The following ARHGAP25 variants were observed in gnomAD, a reference collection of about 807,000 sequenced individuals.
ARHGAP25 encodes the protein Rho GTPase activating protein 25.
ARHGAP25 carries 34 observed loss-of-function variants against 71.0 expected under a neutral mutation model. The observed-to-expected ratio is 0.48, with a 90% CI of 0.36 to 0.64. The LOEUF is 0.64. Ranked by LOEUF, ARHGAP25 falls within the 30% of genes least tolerant of loss-of-function variation. ARHGAP25 has a pLI of 0.00. For synonymous variants in ARHGAP25, 282 were observed against 296.5 expected (o/e 0.95, Z 0.50); for missense variants, 706 against 805.1 (o/e 0.88, Z 1.49).
chr2:68,782,086 C>A, intron 2 of ARHGAP25, 147 bp from the exon 3 acceptor site: 1 of 651,530 alleles, frequency 1.5e-6, no homozygotes, highest in Non-Finnish European at 2.6e-6. Context: ...GCAGAAGGGG[C>A]CCCATTAAAA....
chr2:68,758,558 A>G (rs1676618633), intron 1 of ARHGAP25, among the ~76,000 whole-genome samples: 1 of 152,026 alleles, frequency 6.6e-6, no homozygotes, highest in Non-Finnish European at 1.5e-5. Context: ...ATGAGAAGAT[A>G]TAACAATAAT....
At chr2:68,785,981 T>C (rs1678733626) in intron 3 of ARHGAP25, among the ~76,000 whole-genome samples, 1 of 152,216 alleles carries the variant, frequency 6.6e-6, no homozygotes, top group South Asian at 2.1e-4. Flanking sequence ...ATATTTACTT[T>C]TTTTTAGGAC....
At chr2:68,783,307 A>G (rs1678481892) in intron 3 of ARHGAP25, among the ~76,000 whole-genome samples, 1 of 152,240 alleles carries the variant, frequency 6.6e-6, no homozygotes, top group African/African-American at 2.4e-5. Flanking sequence ...GATACAGTGC[A>G]TGTCATATCA....
intron 10 of ARHGAP25, among the ~76,000 whole-genome samples, chr2:68,825,783 A>G (rs1682082312): frequency 6.6e-6 from 1 of 151,924 alleles, no homozygotes; most frequent in Non-Finnish European, 1.5e-5. Context: ...CATCCAAAAA[A>G]AAATGACAAA....
chr2:68,792,767 T>A (rs778195511), intron 4 of ARHGAP25, among the ~76,000 whole-genome samples: 5 of 152,190 alleles, frequency 3.3e-5, no homozygotes, highest in Non-Finnish European at 7.3e-5. Flanking sequence ...TTATAATGAT[T>A]TCCTTTCCTT....
Position 68,807,465 on chromosome 2 carries a change from G to A in ARHGAP25, c.659G>A (p.Arg220Gln), listed in dbSNP as rs774862710. The stretch of plus-strand genomic sequence containing the variant: ...AGAGACGCTTTTGATGCTGGGGAGC[G>A]GCCCTCCTTTGACAGGTACATTGCC... ...QLRDAFDAGE[R>Q]PSFDRDTDVH... Residue 220 changes from arginine to glutamine, a missense_variant, in exon 5 of 11, where the codon CGG becomes CAG. Arg to Gln is a conservative substitution (Grantham distance 43). Transcript: ENST00000409202. 5.6e-6 allele frequency: 9 copies of A among 1,613,988 alleles called. No homozygotes were observed. The highest frequency in any genetic ancestry group is 2.2e-5 in the East Asian group (1 of 44,902).
intron 1 of ARHGAP25, among the ~76,000 whole-genome samples, chr2:68,737,194 T>C (rs1675267320): frequency 6.6e-6 from 1 of 152,324 alleles, no homozygotes; most frequent in East Asian, 1.9e-4. Context: ...CAGATCATAA[T>C]CTGAGTCCTC....
At chr2:68,747,595 G>A (rs113426857) in intron 1 of ARHGAP25, among the ~76,000 whole-genome samples, 16 of 152,192 alleles carry the variant, frequency 1.1e-4, no homozygotes, top group South Asian at 4.1e-4. Flanking sequence ...TAGCTCCAAC[G>A]TCTCTTCTGG....
At chr2:68,820,163 A>T (rs1232246632) in intron 9 of ARHGAP25, among the ~76,000 whole-genome samples, 1 of 152,256 alleles carries the variant, frequency 6.6e-6, no homozygotes, top group Non-Finnish European at 1.5e-5. Flanking sequence ...AATAAAATTT[A>T]AAAATGCTCA....
At chr2:68,763,878 T>C (rs546949921) in intron 1 of ARHGAP25, among the ~76,000 whole-genome samples, 1 of 152,362 alleles carries the variant, frequency 6.6e-6, no homozygotes, top group South Asian at 2.1e-4. Context: ...TTAAAAACTT[T>C]ACTGAGGTAT....
intron 2 of ARHGAP25, among the ~76,000 whole-genome samples, chr2:68,721,706 G>A (rs1288216790): frequency 6.6e-6 from 1 of 152,248 alleles, no homozygotes; most frequent in African/African-American, 2.4e-5. Context: ...TTTCAGGAGA[G>A]TAGAAGCTGG....
chr2:68,748,228 G>A (rs764372746), intron 1 of ARHGAP25, among the ~76,000 whole-genome samples: 13 of 152,200 alleles, frequency 8.5e-5, no homozygotes, highest in South Asian at 8.3e-4. Flanking sequence ...AGGCCTGTCT[G>A]CTGTTCTCCC....
chr2:68,788,372 T>C (rs1212222750), intron 4 of ARHGAP25, among the ~76,000 whole-genome samples: 4 of 152,216 alleles, frequency 2.6e-5, no homozygotes, highest in African/African-American at 7.2e-5. Context: ...TGGGAACTGA[T>C]GGCAACAGCT....
upstream of ARHGAP25, among the ~76,000 whole-genome samples, chr2:68,731,294 C>G (rs554417729): frequency 6.6e-6 from 1 of 152,104 alleles, no homozygotes; most frequent in African/African-American, 2.4e-5. Flanking sequence ...TGGAACTACA[C>G]CCTTCCAGTG....
intron 2 of ARHGAP25, among the ~76,000 whole-genome samples, chr2:68,729,711 T>C (rs1047416899): frequency 3.9e-5 from 6 of 152,244 alleles, no homozygotes; most frequent in African/African-American, 1.2e-4. Flanking sequence ...TAGAACTTTT[T>C]CATGTTTGTT....
At chr2:68,764,752 G>A (rs1387587836) in intron 1 of ARHGAP25, among the ~76,000 whole-genome samples, 2 of 152,098 alleles carry the variant, frequency 1.3e-5, no homozygotes, top group Non-Finnish European at 2.9e-5. Context: ...GTTAGTGCAG[G>A]ATTTTCTTGG....
chr2:68,739,199 G>A (rs758740682), intron 1 of ARHGAP25, among the ~76,000 whole-genome samples: 1 of 152,174 alleles, frequency 6.6e-6, no homozygotes, highest in African/African-American at 2.4e-5. Flanking sequence ...TGCCAGATGA[G>A]GTCAGCTTAG....
At position 68,826,687 on chromosome 2, in the gene ARHGAP25, C is replaced by A; in HGVS notation, c.*493C>A. 5.1e-6 allele frequency: 1 copy of A among 197,932 alleles called. No individual in the cohort carries two copies. 12.3% of individuals were successfully genotyped at this position (197,932 alleles called of 1,614,324 possible). A position where few individuals can be genotyped will look rare whatever the true frequency, so the allele number is the denominator to read the frequency against. ...GGCTGCATCTGCTGAAGCGAGAACC[C>A]CATTCTGCCACCCCACCAGGATGCC... On this transcript the variant is annotated 3_prime_UTR_variant, in exon 11 of 11. Coordinates refer to ENST00000409202, the MANE Select transcript of ARHGAP25 (RefSeq NM_001007231.3).
At chr2:68,803,982 C>T (rs544855924) in intron 4 of ARHGAP25, among the ~76,000 whole-genome samples, 5 of 152,122 alleles carry the variant, frequency 3.3e-5, no homozygotes, top group Admixed American at 3.3e-4. Flanking sequence ...TTCTCAGTGG[C>T]CTGATGAAGA....
Sources: gnomAD v4.1 joint callset for allele counts (sites outside exome capture counted in the v4.1 genomes callset) on GRCh38, gnomAD v4.1.1 for gene constraint, MANE v1.5 for transcripts, NCBI Gene and HGNC (gene_info 2026-07-23, HGNC 2026-07-21) for gene names.